CDH6: variants seen among roughly 807,000 people sequenced by gnomAD.
The protein encoded by CDH6 is cadherin-6.
In CDH6, 31 loss-of-function variants were observed where a neutral mutation model predicts 78.0. The ratio of observed to expected loss-of-function variants is 0.40; its 90% CI spans 0.30 to 0.54. The LOEUF is 0.54. CDH6 is among the 20% of genes least tolerant of loss of function. The pLI is 0.56. For synonymous variants in CDH6, 376 were observed against 368.8 expected (o/e 1.02, Z -0.23); for missense variants, 724 against 975.9 (o/e 0.74, Z 3.44).
intron 2 of CDH6, among the ~76,000 whole-genome samples, chr5:31,277,430 C>T (rs766257590): frequency 3.9e-5 from 6 of 152,108 alleles, no homozygotes; most frequent in Non-Finnish European, 5.9e-5. Flanking sequence ...AAATAGGAAT[C>T]GTTATCACAG....
chr5:31,301,410 TCTAAA>T (rs1480853749), intron 5 of CDH6, among the ~76,000 whole-genome samples: 1 of 152,236 alleles, frequency 6.6e-6, no homozygotes, highest in East Asian at 1.9e-4. Context: ...ATGTAGTCTC[TCTAAA>T]CTAAGTTTGC....
intron 1 of CDH6, among the ~76,000 whole-genome samples, chr5:31,225,842 T>G (rs1399705126): frequency 6.6e-6 from 1 of 152,138 alleles, no homozygotes; most frequent in Non-Finnish European, 1.5e-5. Context: ...GTGGGTGCGG[T>G]TTTCCCCACA....
rs574253819 is a variant in CDH6 at position 31,326,722 on chromosome 5, C to T, written c.*3414C>T. ...TTTTTTTTTTTTTGAGACAGAATCT[C>T]GCTCTGTCGCCCAGGCTGGAATGCA... On this transcript the variant is annotated 3_prime_UTR_variant, in exon 12 of 12. Coordinates refer to ENST00000265071, the MANE Select transcript of CDH6 (RefSeq NM_004932.4). The T allele has an allele frequency of 1.2e-3, 151 of 128,334 alleles. 2 individuals are homozygous for T. In the Middle Eastern group the frequency reaches 0.042, roughly 35 times the overall value. The allele number at this position is 128,334 out of a possible 1,614,324, so 7.9% of individuals were successfully genotyped here. A position where few individuals can be genotyped will look rare whatever the true frequency, so the allele number is the denominator to read the frequency against.
chr5:31,209,607 TTC>T (rs1740635932), intron 1 of CDH6, among the ~76,000 whole-genome samples: 1 of 152,254 alleles, frequency 6.6e-6, no homozygotes, highest in Non-Finnish European at 1.5e-5. Flanking sequence ...CTCACTCTGA[TTC>T]TCTAAGTGTT....
At position 31,325,122 on chromosome 5, in the gene CDH6, G is replaced by A. The variant is rs1158834751; in HGVS notation, c.*1814G>A. 4.4e-6 allele frequency: 1 copy of A among 225,230 alleles called. No homozygotes were observed. Among genetic ancestry groups the A allele is most frequent in the East Asian group, 6.4e-5 (1 of 15,596 alleles). 14.0% of individuals were successfully genotyped at this position (225,230 alleles called of 1,614,324 possible). A position where few individuals can be genotyped will look rare whatever the true frequency, so the allele number is the denominator to read the frequency against. ...GGTGTATTACCCAAGAAGTAAAGAT[G>A]GAAACGTTAAAAGAAGAGAAATGTA... On this transcript the variant is annotated 3_prime_UTR_variant, in exon 12 of 12. Transcript: ENST00000265071.
At chr5:31,305,061 A>G (rs1561067600) in intron 6 of CDH6, 113 bp from the exon 7 acceptor site, 1 of 1,049,694 alleles carries the variant, frequency 9.5e-7, no homozygotes, top group Non-Finnish European at 1.4e-6. Flanking sequence ...TTCTCTAAGC[A>G]ATATGATCGC....
intron 7 of CDH6, among the ~76,000 whole-genome samples, chr5:31,311,981 A>C (rs1738170715): frequency 6.6e-6 from 1 of 152,238 alleles, no homozygotes; most frequent in Admixed American, 6.5e-5. Context: ...TAGGGTTGGA[A>C]TGTTTGGTTT....
intron 1 of CDH6, among the ~76,000 whole-genome samples, chr5:31,233,719 A>G (rs532218568): frequency 1.9e-4 from 29 of 152,240 alleles, no homozygotes; most frequent in African/African-American, 6.5e-4. Flanking sequence ...AGTTCTTCCC[A>G]TGACTGGCTC....
intron 1 of CDH6, among the ~76,000 whole-genome samples, chr5:31,235,236 C>CTTTTTTTTTTTTTTTTTTTTTTTTTTTTT (rs543675071): frequency 9.0e-6 from 1 of 110,646 alleles, no homozygotes; most frequent in African/African-American, 3.4e-5. Context: ...ATTCCTTTTT[C>CTTTTTTTTTTTTTTTTTTTTTTTTTTTTT]TTTTTTTTTT....
At chr5:31,271,239 G>A (rs1462036576) in intron 2 of CDH6, among the ~76,000 whole-genome samples, 1 of 152,134 alleles carries the variant, frequency 6.6e-6, no homozygotes, top group Admixed American at 6.5e-5. Context: ...GGATGGTGGA[G>A]TGAGGAAAAT....
intron 1 of CDH6, among the ~76,000 whole-genome samples, chr5:31,266,684 A>ATATGTATAG (rs1742367614): frequency 6.6e-6 from 1 of 152,234 alleles, no homozygotes; most frequent in South Asian, 2.1e-4. Flanking sequence ...GCTGGATTAA[A>ATATGTATAG]TATGTATAGG....
In CDH6 at chr5:31,289,022, G is replaced by A. The variant is rs74505560; in HGVS notation, c.229-4940G>A. Among the ~76,000 whole-genome samples the A allele has an allele frequency of 5.3e-3, 813 of 152,126 alleles. 8 individuals are homozygous for A. The highest frequency in any genetic ancestry group is 0.019 in the African/African-American group (771 of 41,498). ...TTCAGAGGGTACATGCACTTGTTACGTGAGTATTACACGTGTAATGGTGGG... is the reference window on the plus strand; with the variant it reads ...TTCAGAGGGTACATGCACTTGTTACATGAGTATTACACGTGTAATGGTGGG... On this transcript the variant is annotated intron_variant, in intron 2 of 11. Coordinates refer to ENST00000265071, the MANE Select transcript of CDH6 (RefSeq NM_004932.4).
chr5:31,259,278 A>C (rs191642075), intron 1 of CDH6, among the ~76,000 whole-genome samples: 206 of 152,358 alleles, frequency 1.4e-3, no homozygotes, highest in Non-Finnish European at 2.5e-3. Flanking sequence ...ATGATATGCC[A>C]AGTTCACAAT....
In CDH6 at chr5:31,326,681, A is replaced by ATTTTTT. The variant is rs202082546; in HGVS notation, c.*3396_*3401dup. 4 of 123,770 alleles carry ATTTTTT rather than the reference A, an allele frequency of 3.2e-5. No homozygotes were observed. The highest frequency in any genetic ancestry group is 7.0e-5 in the African/African-American group (2 of 28,456). 7.7% of individuals were successfully genotyped at this position (123,770 alleles called of 1,614,324 possible). A position where few individuals can be genotyped will look rare whatever the true frequency, so the allele number is the denominator to read the frequency against. On this transcript the variant is annotated 3_prime_UTR_variant, in exon 12 of 12. Transcript: ENST00000265071. ...AAAGAGTTGTGCAGAAAATCTTAAAATTTTTTTTTTTTTTTTTTTTTTTTT... is the reference window on the plus strand; with the variant it reads ...AAAGAGTTGTGCAGAAAATCTTAAAATTTTTTTTTTTTTTTTTTTTTTTTTTTTTTT...
chr5:31,314,766 A>T (rs1738259653), intron 8 of CDH6, among the ~76,000 whole-genome samples: 1 of 152,102 alleles, frequency 6.6e-6, no homozygotes, highest in Admixed American at 6.6e-5. Flanking sequence ...AGACAATGAA[A>T]TTTTATTTTT....
Position 31,193,851 on chromosome 5 carries a change from C to A in CDH6, c.-164C>A. 6.5e-6 allele frequency: 1 copy of A among 153,510 alleles called. No homozygotes were observed. The highest frequency in any genetic ancestry group is 1.8e-4 in the South Asian group (1 of 5,560). 9.5% of individuals were successfully genotyped at this position (153,510 alleles called of 1,614,324 possible). On this transcript the variant is annotated 5_prime_UTR_variant, in exon 1 of 12. Transcript: ENST00000265071. ...GGAGGCAGGAGCAGCCTGGGCGGGT[C>A]GCAGGGTCTCCGCGGGCGCAGGAAG...
At chr5:31,243,079 T>C (rs1579844864) in intron 1 of CDH6, among the ~76,000 whole-genome samples, 1 of 152,152 alleles carries the variant, frequency 6.6e-6, no homozygotes, top group African/African-American at 2.4e-5. Context: ...AGTGCATACA[T>C]GCACAATCAA....
At chr5:31,262,478 A>G (rs1169921983) in intron 1 of CDH6, among the ~76,000 whole-genome samples, 1 of 152,190 alleles carries the variant, frequency 6.6e-6, no homozygotes, top group Non-Finnish European at 1.5e-5. Context: ...ATCCCAACAA[A>G]AAGAAAAGAA....
intron 1 of CDH6, among the ~76,000 whole-genome samples, chr5:31,195,035 G>C (rs981594923): frequency 6.6e-6 from 1 of 151,212 alleles, no homozygotes; most frequent in Non-Finnish European, 1.5e-5. Context: ...CAAGAACCAA[G>C]AAGTTTAATC....
Sources: allele counts gnomAD v4.1 joint callset (sites outside exome capture counted in the v4.1 genomes callset), GRCh38; gene constraint gnomAD v4.1.1; transcripts MANE v1.5; gene names NCBI Gene and HGNC (gene_info 2026-07-23, HGNC 2026-07-21).